The following TAOK2 variants were observed in gnomAD, a reference collection of about 807,000 sequenced individuals.
The protein encoded by TAOK2 is TAO kinase 2.
TAOK2 carries 42 observed loss-of-function variants against 122.5 expected under a neutral mutation model. That is an observed-to-expected ratio of 0.34 (90% CI 0.27 to 0.44). The LOEUF is 0.44. Ranked by LOEUF, TAOK2 falls within the 20% of genes least tolerant of loss-of-function variation. TAOK2 has a pLI of 1.00. For missense variants in TAOK2, 1,264 were observed against 1,644.9 expected, an observed-to-expected ratio of 0.77 and a Z score of 4.01; for synonymous variants, 704 against 677.6, an observed-to-expected ratio of 1.04 and a Z score of -0.61.
In TAOK2 at chr16:29,986,414, G is replaced by A. The variant is rs1169701990; in HGVS notation, c.2142G>A (p.Leu714=). ...ELTRLQHQTE[L]GNQLEYNKRR... ...CCCGCCTGCAGCACCAGACGGAGCTGGGCAACCAGCTGGAGTACAACAAGC... is the reference window on the plus strand; with the variant it reads ...CCCGCCTGCAGCACCAGACGGAGCTAGGCAACCAGCTGGAGTACAACAAGC... The change falls in exon 16 of 16, where the codon CTG becomes CTA. Residue 714 remains leucine (L), a synonymous_variant. Coordinates refer to ENST00000308893, the MANE Select transcript of TAOK2 (RefSeq NM_016151.4). This position sits in a 1 kb window ranked among gnomAD's most constrained non-coding sequence, Gnocchi z 4.2. 6.2e-7 allele frequency: 1 copy of A among 1,611,388 alleles called. No individual in the cohort carries two copies. Among genetic ancestry groups the A allele is most frequent in the Non-Finnish European group, 8.5e-7 (1 of 1,178,598 alleles).
chr16:29,982,643 A>G, intron 10 of TAOK2, 91 bp from the exon 11 acceptor site: 1 of 1,516,664 alleles, frequency 6.6e-7, no homozygotes, highest in Non-Finnish European at 8.9e-7. Flanking sequence ...TGGGCCCCAG[A>G]AGAGTGCCTC....
intron 1 of TAOK2, 150 bp from the exon 2 acceptor site, chr16:29,977,588 A>G (rs1393921928): frequency 2.7e-6 from 2 of 748,694 alleles, no homozygotes; most frequent in Non-Finnish European, 4.2e-6. Flanking sequence ...TGGAGCTTTG[A>G]TGTTGTTCCT....
In TAOK2 at chr16:29,978,082, C is replaced by A. The variant is rs767713022; in HGVS notation, c.133-7C>A. 4 of 1,614,062 alleles carry A rather than the reference C, an allele frequency of 2.5e-6. No homozygotes were observed. In the Admixed American group the frequency reaches 5.0e-5, roughly 20 times the overall value. Reference sequence around the variant, plus strand: ...GGCCTTCAACACCTTCTGGTCTGGTCCTCTAGGCCCGGGATGTCCGGAATA... The same window carrying A: ...GGCCTTCAACACCTTCTGGTCTGGTACTCTAGGCCCGGGATGTCCGGAATA... On this transcript the variant is annotated splice_polypyrimidine_tract_variant and splice_region_variant and intron_variant, in intron 2 of 15. Transcript: ENST00000308893.
Position 29,988,010 on chromosome 16 carries a change from G to A in TAOK2, c.*30G>A. 6.6e-7 allele frequency: 1 copy of A among 1,505,140 alleles called. No homozygotes were observed. Among genetic ancestry groups the A allele is most frequent in the South Asian group, 1.3e-5 (1 of 75,748 alleles). 93.2% of individuals were successfully genotyped at this position (1,505,140 alleles called of 1,614,324 possible). A position where few individuals can be genotyped will look rare whatever the true frequency, so the allele number is the denominator to read the frequency against. ...CTCCAGCCCTTCCAGCCCAAATCTA[G>A]AGCATTGAGCACTTTATCTCCCACG... On this transcript the variant is annotated 3_prime_UTR_variant, in exon 16 of 16. Transcript: ENST00000308893.
At chr16:29,990,995 A>C (rs577232191), downstream of TAOK2, 3 of 1,384,660 alleles carry the variant, frequency 2.2e-6, no homozygotes, top group East Asian at 8.0e-5. Flanking sequence ...AGGACTGGGG[A>C]GGGAGGGTGG....
chr16:29,981,819 T>C, intron 9 of TAOK2, 40 bp from the exon 10 acceptor site: 1 of 1,604,322 alleles, frequency 6.2e-7, no homozygotes, highest in Non-Finnish European at 8.5e-7. Context: ...GCCTGACTCA[T>C]GCCTTCCCCA....
chr16:29,988,982 C>T (rs2069900064), downstream of TAOK2: 1 of 985,342 alleles, frequency 1.0e-6, no homozygotes, highest in East Asian at 1.1e-4. Context: ...CCCCTTTCTC[C>T]TCTGCGGCCC....
Position 29,985,923 on chromosome 16 carries a change from TC to T in TAOK2, c.1992+64del, listed in dbSNP as rs2069775877. 5 of 1,546,154 alleles carry T rather than the reference TC, an allele frequency of 3.2e-6. No individual in the cohort carries two copies. The Admixed American group carries it at 9.4e-5, about 29-fold the overall frequency. ...CGTGGATCCCAGGGACCCACCCTTTTCCATTTTCCTCATTCTTGTCTTCTTT... is the reference window on the plus strand; with the variant it reads ...CGTGGATCCCAGGGACCCACCCTTTTCATTTTCCTCATTCTTGTCTTCTTT... On this transcript the variant is annotated intron_variant, in intron 15 of 15. Transcript: ENST00000308893. The surrounding 1 kb of genome is among the most constrained non-coding windows in gnomAD (Gnocchi z 6.9).
rs751723560 is a variant in TAOK2 at position 29,977,772 on chromosome 16, C to G, written c.-1C>G. ...CACTCTCAGGGCCCCCAGGGGCCACCATGCCAGCTGGGGGCCGGGCCGGGA... is the reference window on the plus strand; with the variant it reads ...CACTCTCAGGGCCCCCAGGGGCCACGATGCCAGCTGGGGGCCGGGCCGGGA... On this transcript the variant is annotated 5_prime_UTR_variant, in exon 2 of 16. Transcript: ENST00000308893. 2.0e-5 allele frequency: 33 copies of G among 1,613,936 alleles called. No individual in the cohort carries two copies. The highest frequency in any genetic ancestry group is 2.7e-5 in the African/African-American group (2 of 74,914).
chr16:29,991,629 G>C, downstream of TAOK2: 9 of 1,422,542 alleles, frequency 6.3e-6, no homozygotes, highest in Non-Finnish European at 8.3e-6. This position sits in a 1 kb window ranked among gnomAD's most constrained non-coding sequence, Gnocchi z 5.6. Flanking sequence ...CCTGACCCTG[G>C]AGGGCACTGA....
At chr16:29,989,535 C>A (rs189939123), downstream of TAOK2, 98 of 1,605,932 alleles carry the variant, frequency 6.1e-5, 1 homozygote, top group East Asian at 1.8e-3. Context: ...CCTCTTCCTC[C>A]TCTTCCTCCT....
rs751062812 is a variant in TAOK2 at position 29,987,176 on chromosome 16, C to CCTG, written c.2919_2921dup (p.Leu974dup). The CCTG allele has an allele frequency of 5.8e-6, 9 of 1,559,982 alleles. No individual in the cohort carries two copies. The highest frequency in any genetic ancestry group is 2.7e-5 in the African/African-American group (2 of 72,732). On this transcript the variant is annotated inframe_insertion, in exon 16 of 16. Transcript: ENST00000308893. ...GGTCCTCCTCTGGCCTCCTGCCCCT[C>CCTG]CTGCTGCTGCTGCTGCTTCCATTGC...
At position 29,985,991 on chromosome 16, in the gene TAOK2, G is replaced by A. The variant is rs1394925682; in HGVS notation, c.1992+130G>A. Reference sequence around the variant, plus strand: ...TGTTACAGTTCAGCTTTGCTTCAGTGCCCCTTTTACTTCTCATCCCCAACA... The same window carrying A: ...TGTTACAGTTCAGCTTTGCTTCAGTACCCCTTTTACTTCTCATCCCCAACA... On this transcript the variant is annotated intron_variant, in intron 15 of 15. Transcript: ENST00000308893. This position sits in a 1 kb window ranked among gnomAD's most constrained non-coding sequence, Gnocchi z 6.9. 2.5e-6 allele frequency: 3 copies of A among 1,214,100 alleles called. No homozygotes were observed. Among genetic ancestry groups the A allele is most frequent in the Non-Finnish European group, 2.3e-6 (2 of 872,414 alleles). 75.2% of individuals were successfully genotyped at this position (1,214,100 alleles called of 1,614,324 possible).
chr16:29,978,817 C>T lies in TAOK2; in HGVS notation c.325C>T (p.Leu109=), dbSNP rs1283979500. 1.2e-6 allele frequency: 2 copies of T among 1,613,932 alleles called. No homozygotes were observed. Among genetic ancestry groups the T allele is most frequent in the Non-Finnish European group, 1.7e-6 (2 of 1,180,012 alleles). ...HTAWLVMEYC[L]GSASDLLEVH... ...TCCTTAGCTGGTAATGGAGTATTGCCTGGGCTCAGCTTCTGACCTTCTAGA... is the reference window on the plus strand; with the variant it reads ...TCCTTAGCTGGTAATGGAGTATTGCTTGGGCTCAGCTTCTGACCTTCTAGA... Residue 109 remains leucine (L), a synonymous_variant, in exon 5 of 16, where the codon CTG becomes TTG. Coordinates refer to ENST00000308893, the MANE Select transcript of TAOK2 (RefSeq NM_016151.4).
In TAOK2 at chr16:29,979,616, T is replaced by G; in HGVS notation, c.655+108T>G. On this transcript the variant is annotated intron_variant, in intron 8 of 15. Coordinates refer to ENST00000308893, the MANE Select transcript of TAOK2 (RefSeq NM_016151.4). The surrounding 1 kb of genome is among the most constrained non-coding windows in gnomAD (Gnocchi z 4.1). ...AGGGATGGGATCCCAGGCCTCCAAG[T>G]TCCTGTCCGTTGTGACTCTACCCTG... The G allele has an allele frequency of 1.1e-6, 1 of 909,220 alleles. No individual in the cohort carries two copies. The highest frequency in any genetic ancestry group is 1.7e-5 in the African/African-American group (1 of 59,118). The allele number at this position is 909,220 out of a possible 1,614,324, so 56.3% of individuals were successfully genotyped here. A position where few individuals can be genotyped will look rare whatever the true frequency, so the allele number is the denominator to read the frequency against.
intron 10 of TAOK2, 129 bp downstream of exon 10, chr16:29,982,069 C>T: frequency 1.4e-6 from 1 of 728,892 alleles, no homozygotes; most frequent in Non-Finnish European, 2.4e-6. Flanking sequence ...CCACCCCATC[C>T]CCAATGCCTA....
chr16:29,986,543 C>T lies in TAOK2; in HGVS notation c.2271C>T (p.Pro757=). ...AGCGCCCCCCGGGCCTTCCACTCCC[C>T]ATTCCTGGGGCTCTGGGCCCACCCA... ...AGQRPPGLPL[P]IPGALGPPNT... The change falls in exon 16 of 16, where the codon CCC becomes CCT. Residue 757 remains proline, a synonymous_variant. Transcript: ENST00000308893. The surrounding 1 kb of genome is among the most constrained non-coding windows in gnomAD (Gnocchi z 4.2). The T allele has an allele frequency of 6.2e-7, 1 of 1,613,748 alleles. No individual in the cohort carries two copies. The highest frequency in any genetic ancestry group is 8.5e-7 in the Non-Finnish European group (1 of 1,179,882).
At chr16:29,977,273 G>A (rs1330711807) in intron 1 of TAOK2, among the ~76,000 whole-genome samples, 1 of 152,144 alleles carries the variant, frequency 6.6e-6, no homozygotes, top group Non-Finnish European at 1.5e-5. Context: ...GCCATTTCCT[G>A]TTCTCTTCCA....
At chr16:29,988,704 C>T (rs974751990), downstream of TAOK2, 1 of 985,320 alleles carries the variant, frequency 1.0e-6, no homozygotes, top group African/African-American at 1.7e-5. Flanking sequence ...CTTGCCTTTT[C>T]TCCCAACCAT....
Sources: allele counts gnomAD v4.1 joint callset (sites outside exome capture counted in the v4.1 genomes callset), GRCh38; gene constraint gnomAD v4.1.1; non-coding constraint Gnocchi (gnomAD v3.1); transcripts MANE v1.5; gene names NCBI Gene and HGNC (gene_info 2026-07-23, HGNC 2026-07-21).